The following BRSK1 variants were observed in gnomAD, a reference collection of about 807,000 sequenced individuals.
BRSK1 encodes BR serine/threonine kinase 1, also known as serine/threonine-protein kinase BRSK1.
Under a neutral mutation model 86.2 loss-of-function variants are expected in BRSK1, and 17 were observed. That is an observed-to-expected ratio of 0.20 (90% CI 0.14 to 0.30). BRSK1 has a LOEUF of 0.30. Among genes scored for constraint, BRSK1 ranks in the 10% least tolerant of loss-of-function variants. The pLI, the probability that BRSK1 is intolerant of heterozygous loss-of-function variation, is 1.00. For missense variants in BRSK1, 719 were observed against 1,071.9 expected (o/e 0.67, Z 4.60); for synonymous variants, 464 against 440.1 (o/e 1.05, Z -0.68).
chr19:55,291,104 G>A (rs765176533), intron 4 of BRSK1, among the ~76,000 whole-genome samples: 2 of 152,152 alleles, frequency 1.3e-5, no homozygotes, highest in Non-Finnish European at 2.9e-5. Flanking sequence ...TAAGGGTTGA[G>A]TAAGGGTTAT....
Position 55,302,124 on chromosome 19 carries a change from A to G in BRSK1, c.826-13A>G. The G allele has an allele frequency of 6.2e-7, 1 of 1,613,894 alleles. No individual in the cohort carries two copies. The highest frequency in any genetic ancestry group is 8.5e-7 in the Non-Finnish European group (1 of 1,179,926). ...CCTCACTTCTGCTTCTCTACGACTC[A>G]CCACCCTCACAGCTGGAGCAAATTC... On this transcript the variant is annotated splice_polypyrimidine_tract_variant and intron_variant, in intron 8 of 18. Coordinates refer to ENST00000309383, the MANE Select transcript of BRSK1 (RefSeq NM_032430.2). This position sits in a 1 kb window ranked among gnomAD's most constrained non-coding sequence, Gnocchi z 6.3.
Position 55,284,597 on chromosome 19 carries a change from G to A in BRSK1, c.136+19G>A, listed in dbSNP as rs2088280214. The A allele has an allele frequency of 2.3e-6, 3 of 1,278,216 alleles. No individual in the cohort carries two copies. The highest frequency in any genetic ancestry group is 3.0e-6 in the Non-Finnish European group (3 of 1,004,302). 79.2% of individuals were successfully genotyped at this position (1,278,216 alleles called of 1,614,324 possible). On this transcript the variant is annotated intron_variant, in intron 1 of 18. Coordinates refer to ENST00000309383, the MANE Select transcript of BRSK1 (RefSeq NM_032430.2). ...CAGACAGGTGAGCCTAGCAGAAGGG[G>A]ACACCTGGGGCGGGGGGCAGGGTGG...
chr19:55,308,700 T>C lies in BRSK1; in HGVS notation c.2151T>C (p.His717=). 1 of 1,595,176 alleles carries C rather than the reference T, an allele frequency of 6.3e-7. No homozygotes were observed. The highest frequency in any genetic ancestry group is 8.5e-7 in the Non-Finnish European group (1 of 1,172,294). The change falls in exon 18 of 19, where the codon CAT becomes CAC. Residue 717 remains histidine (H), a synonymous_variant. Transcript: ENST00000309383. ...ETIQAQLLST[H]DQPSVQALAD... is the part of the protein sequence containing the mutation. ...TCCAGGCACAGCTCCTGAGCACTCA[T>C]GACCAGCCCTCCGTGCAGGCCCTGG... is the stretch of plus-strand genomic sequence containing the variant.
Position 55,306,187 on chromosome 19 carries a change from G to A in BRSK1, c.1891-65G>A. 1 of 1,551,164 alleles carries A rather than the reference G, an allele frequency of 6.4e-7. No homozygotes were observed. The highest frequency in any genetic ancestry group is 8.8e-7 in the Non-Finnish European group (1 of 1,133,656). On this transcript the variant is annotated intron_variant, in intron 16 of 18. Coordinates refer to ENST00000309383, the MANE Select transcript of BRSK1 (RefSeq NM_032430.2). The surrounding 1 kb of genome is among the most constrained non-coding windows in gnomAD (Gnocchi z 4.7). The stretch of plus-strand genomic sequence containing the variant: ...TGGGACTCGTAGTTCCTTGGCCAGA[G>A]CTGGTCGTGGGGCTGGGTATCCATT...
At chr19:55,290,892 C>T (rs1338083551) in intron 4 of BRSK1, among the ~76,000 whole-genome samples, 1 of 151,956 alleles carries the variant, frequency 6.6e-6, no homozygotes, top group African/African-American at 2.4e-5. Flanking sequence ...CCGTCCGCCT[C>T]GGCCTCCCAA....
At chr19:55,290,292 G>A (rs1438449479) in intron 4 of BRSK1, among the ~76,000 whole-genome samples, 2 of 152,012 alleles carry the variant, frequency 1.3e-5, no homozygotes, top group African/African-American at 4.8e-5. Context: ...CACCACTCCC[G>A]GCCTCTTTGC....
Position 55,302,760 on chromosome 19 carries a change from G to C in BRSK1, c.921G>C (p.Arg307=), listed in dbSNP as rs932738413. The stretch of plus-strand genomic sequence containing the variant: ...CCCCTGGCCGCCGGGTAGCCATGCG[G>C]AGCCTGCCATCCAACGGAGAGCTGG... ...EPAPGRRVAM[R]SLPSNGELDP... The change falls in exon 10 of 19, where the codon CGG becomes CGC. Residue 307 remains arginine (R), a synonymous_variant. Coordinates refer to ENST00000309383, the MANE Select transcript of BRSK1 (RefSeq NM_032430.2). This position sits in a 1 kb window ranked among gnomAD's most constrained non-coding sequence, Gnocchi z 6.3. The C allele has an allele frequency of 6.2e-7, 1 of 1,613,606 alleles. No homozygotes were observed. The highest frequency in any genetic ancestry group is 8.5e-7 in the Non-Finnish European group (1 of 1,179,920).
At position 55,303,902 on chromosome 19, in the gene BRSK1, C is replaced by A; in HGVS notation, c.1286+76C>A. 6.6e-7 allele frequency: 1 copy of A among 1,521,628 alleles called. No individual in the cohort carries two copies. Among genetic ancestry groups the A allele is most frequent in the Non-Finnish European group, 8.8e-7 (1 of 1,132,506 alleles). 94.3% of individuals were successfully genotyped at this position (1,521,628 alleles called of 1,614,324 possible). A position where few individuals can be genotyped will look rare whatever the true frequency, so the allele number is the denominator to read the frequency against. On this transcript the variant is annotated intron_variant, in intron 12 of 18. Coordinates refer to ENST00000309383, the MANE Select transcript of BRSK1 (RefSeq NM_032430.2). The surrounding 1 kb of genome is among the most constrained non-coding windows in gnomAD (Gnocchi z 5.1). ...TTCAAGATTCTAACCCCAGCTCTAC[C>A]TCAAATGTGCTGTGTCCTTGGGACA...
intron 4 of BRSK1, 97 bp from the exon 5 acceptor site, chr19:55,293,920 A>C: frequency 9.3e-7 from 1 of 1,078,252 alleles, no homozygotes; most frequent in East Asian, 2.5e-5. Context: ...TAAAAATCCA[A>C]AAAGTATGCA....
rs760094147 is a variant in BRSK1 at position 55,302,884 on chromosome 19, C to T, written c.1028+17C>T. 6.2e-7 allele frequency: 1 copy of T among 1,606,542 alleles called. No individual in the cohort carries two copies. The highest frequency in any genetic ancestry group is 1.7e-5 in the Admixed American group (1 of 59,850). ...CAGTGAGGAGTAAGACCCCAAGACC[C>T]CTGCACCCGTGTACCCACGTGGGGC... On this transcript the variant is annotated intron_variant, in intron 10 of 18. Coordinates refer to ENST00000309383, the MANE Select transcript of BRSK1 (RefSeq NM_032430.2). The surrounding 1 kb of genome is among the most constrained non-coding windows in gnomAD (Gnocchi z 6.3).
intron 17 of BRSK1, among the ~76,000 whole-genome samples, chr19:55,307,236 A>T (rs769131602): frequency 3.3e-5 from 5 of 152,166 alleles, no homozygotes; most frequent in Non-Finnish European, 7.3e-5. Flanking sequence ...AAAACCAATT[A>T]TGACTCTTTA....
intron 7 of BRSK1, among the ~76,000 whole-genome samples, chr19:55,297,159 C>T (rs531127957): frequency 9.2e-5 from 14 of 152,238 alleles, no homozygotes; most frequent in African/African-American, 3.4e-4. Flanking sequence ...TCACTGCAAC[C>T]TCCACCTCCT....
At chr19:55,290,988 C>G (rs2088397346) in intron 4 of BRSK1, among the ~76,000 whole-genome samples, 1 of 106,904 alleles carries the variant, frequency 9.4e-6, no homozygotes, top group African/African-American at 4.0e-5. Context: ...TTGCCCAACT[C>G]AAGGTCACTA....
In BRSK1 at chr19:55,294,199, A is replaced by G. The variant is rs370327413; in HGVS notation, c.576-15A>G. On this transcript the variant is annotated splice_polypyrimidine_tract_variant and intron_variant, in intron 5 of 18. Coordinates refer to ENST00000309383, the MANE Select transcript of BRSK1 (RefSeq NM_032430.2). This position sits in a 1 kb window ranked among gnomAD's most constrained non-coding sequence, Gnocchi z 4.9. ...TAGAAGCTGGCTGGAGGCTCACATC[A>G]GCTCTCTCCCTCAGGTCCCCCCATT... is the stretch of plus-strand genomic sequence containing the variant. The G allele has an allele frequency of 3.9e-5, 63 of 1,613,378 alleles. No individual in the cohort carries two copies. In the African/African-American group the frequency reaches 6.9e-4, roughly 18 times the overall value.
chr19:55,290,933 G>A (rs951625327), intron 4 of BRSK1, among the ~76,000 whole-genome samples: 2 of 151,692 alleles, frequency 1.3e-5, no homozygotes, highest in African/African-American at 2.4e-5. Flanking sequence ...GAGCCACCGC[G>A]CCCGGCCTAC....
chr19:55,307,763 CACACACACA>C (rs2088678754), intron 17 of BRSK1, among the ~76,000 whole-genome samples: 1 of 138,524 alleles, frequency 7.2e-6, no homozygotes, highest in Non-Finnish European at 1.5e-5. Flanking sequence ...CACACACACA[CACACACACA>C]CACACACACA....
intron 1 of BRSK1, among the ~76,000 whole-genome samples, chr19:55,286,685 G>A (rs867672905): frequency 2.7e-5 from 4 of 150,024 alleles, no homozygotes; most frequent in African/African-American, 1.0e-4. Flanking sequence ...AGACAGACTC[G>A]GGGAGACACG....
At chr19:55,288,347 AC>A (rs1435299199) in intron 3 of BRSK1, among the ~76,000 whole-genome samples, 7 of 151,618 alleles carry the variant, frequency 4.6e-5, no homozygotes, top group African/African-American at 1.7e-4. Context: ...GTGGTGGTAC[AC>A]CTGTAGTCCT....
intron 8 of BRSK1, chr19:55,301,935 C>G (rs371703421): frequency 8.7e-6 from 7 of 801,400 alleles, no homozygotes; most frequent in Admixed American, 3.8e-5. Context: ...GTAATGCGGC[C>G]GGTCCGGGGT....
Sources: allele counts gnomAD v4.1 joint callset (sites outside exome capture counted in the v4.1 genomes callset), GRCh38; gene constraint gnomAD v4.1.1; non-coding constraint Gnocchi (gnomAD v3.1); transcripts MANE v1.5; gene names NCBI Gene and HGNC (gene_info 2026-07-23, HGNC 2026-07-21).